NHEJ1: variants seen among roughly 807,000 people sequenced by gnomAD.
NHEJ1 encodes the protein non-homologous end joining factor 1, also known as non-homologous end-joining factor 1.
A neutral mutation model predicts 39.4 loss-of-function variants in NHEJ1; 22 were observed. The observed-to-expected ratio is 0.56, with a 90% confidence interval of 0.40 to 0.80. NHEJ1 has a LOEUF of 0.80. NHEJ1 is among the 30% of genes least tolerant of loss of function. The pLI, the probability that NHEJ1 is intolerant of heterozygous loss-of-function variation, is 0.00. For synonymous variants in NHEJ1, 154 were observed against 135.6 expected (o/e 1.14, Z -0.94); for missense variants, 329 against 357.1 (o/e 0.92, Z 0.63).
chr2:219,083,736 C>T (rs1170617484), intron 5 of NHEJ1, among the ~76,000 whole-genome samples: 1 of 152,172 alleles, frequency 6.6e-6, no homozygotes, highest in African/African-American at 2.4e-5. Flanking sequence ...AATGTCTGTT[C>T]CTTCCCTTTG....
intron 1 of NHEJ1, among the ~76,000 whole-genome samples, chr2:219,159,994 T>C (rs1269383637): frequency 6.6e-6 from 1 of 152,106 alleles, no homozygotes; most frequent in East Asian, 1.9e-4. Flanking sequence ...CCTGACACAT[T>C]GGGCACCAGA....
Position 219,073,628 on chromosome 2 carries a change from G to A in NHEJ1, c.*2753C>T, listed in dbSNP as rs952977757. Among the ~76,000 whole-genome samples, 1 of 152,172 alleles carries A rather than the reference G, an allele frequency of 6.6e-6. No homozygotes were observed. Among genetic ancestry groups the A allele is most frequent in the Non-Finnish European group, 1.5e-5 (1 of 68,032 alleles). On this transcript the variant is annotated 3_prime_UTR_variant, in exon 8 of 8. Transcript: ENST00000356853. ...GTCAAGTTCCTGCAGGAACTTCCTC[G>A]AGGTCCCAAGTCCTGCTCCTGGTTT...
intron 5 of NHEJ1, among the ~76,000 whole-genome samples, chr2:219,109,744 C>CTCCTAG (rs1949346955): frequency 6.6e-6 from 1 of 152,130 alleles, no homozygotes; most frequent in African/African-American, 2.4e-5. Flanking sequence ...ATCAAATCTC[C>CTCCTAG]TCCTAGCCCT....
rs6436107 is a variant in NHEJ1, at chr2:219,076,308, T to G, written c.*73A>C. On this transcript the variant is annotated 3_prime_UTR_variant, in exon 8 of 8. Transcript: ENST00000356853. ...CACTATTTTAGAAATATTGCTGCCA[T>G]GTAAGCTTCTTTCAAGGTGAAGCTT... 3.1e-6 allele frequency: 5 copies of G among 1,613,664 alleles called. No homozygotes were observed. Among genetic ancestry groups the G allele is most frequent in the Non-Finnish European group, 4.2e-6 (5 of 1,179,828 alleles).
intron 5 of NHEJ1, among the ~76,000 whole-genome samples, chr2:219,132,306 A>AG (rs1049758818): frequency 6.6e-6 from 1 of 152,142 alleles, no homozygotes; most frequent in Non-Finnish European, 1.5e-5. Flanking sequence ...CCCCAAATTT[A>AG]GGGGGGGATA....
intron 5 of NHEJ1, chr2:219,102,373 T>G (rs1278046441): frequency 1.3e-5 from 2 of 152,174 alleles, no homozygotes; most frequent in African/African-American, 4.8e-5. Flanking sequence ...TGTGAACTCT[T>G]TTTTTGGTTT....
chr2:219,107,473 A>G (rs762077125), intron 5 of NHEJ1, among the ~76,000 whole-genome samples: 4 of 152,222 alleles, frequency 2.6e-5, no homozygotes, highest in Non-Finnish European at 4.4e-5. Context: ...TTCAAAACCC[A>G]GGGCAGATGA....
chr2:219,159,576 CATATATATATGCAT>C (rs1559206361), intron 1 of NHEJ1, among the ~76,000 whole-genome samples: 10 of 68,968 alleles, frequency 1.4e-4, no homozygotes, highest in East Asian at 1.2e-3. Flanking sequence ...TATATATATG[CATATATATATGCAT>C]ATATATATAT....
rs968658454 is a variant in NHEJ1 at position 219,111,049 on chromosome 2, A to G, written c.589-32843T>C. 1.3e-5 allele frequency among the ~76,000 whole-genome samples: 2 copies of G among 152,244 alleles called. No individual in the cohort carries two copies. Among genetic ancestry groups the G allele is most frequent in the African/African-American group, 4.8e-5 (2 of 41,462 alleles). On this transcript the variant is annotated intron_variant, in intron 5 of 7. Transcript: ENST00000356853. The surrounding 1 kb of genome is among the most constrained non-coding windows in gnomAD (Gnocchi z 4.1). ...ATTTCTCTTTACTGAAACAGCTCAA[A>G]GTTCCTTTAAATAAAACATCACCCA...
At chr2:219,137,690 C>T (rs1186780808) in intron 5 of NHEJ1, among the ~76,000 whole-genome samples, 1 of 150,656 alleles carries the variant, frequency 6.6e-6, no homozygotes, top group African/African-American at 2.4e-5. Flanking sequence ...ATCTTGCTAA[C>T]TTTATTTTCT....
intron 5 of NHEJ1, chr2:219,095,454 G>C (rs1391312589): frequency 2.5e-6 from 1 of 403,552 alleles, no homozygotes; most frequent in Admixed American, 2.8e-5. Flanking sequence ...ATTGTACAAT[G>C]CTTTAAACCT....
At chr2:219,146,237 C>T (rs1344291798) in intron 5 of NHEJ1, among the ~76,000 whole-genome samples, 1 of 152,158 alleles carries the variant, frequency 6.6e-6, no homozygotes, top group Non-Finnish European at 1.5e-5. Flanking sequence ...ACTGTGCCCA[C>T]AAGACAGCCC....
chr2:219,147,638 T>C lies in NHEJ1; in HGVS notation c.529+19A>G, dbSNP rs750747940. 6.2e-6 allele frequency: 10 copies of C among 1,614,026 alleles called. No homozygotes were observed. The highest frequency in any genetic ancestry group is 1.3e-5 in the African/African-American group (1 of 75,036). ...TTTTTAACACGCCCCACCCAACTCCTCCAAGAATGTCCTCTTACCTCGAAT... is the reference window on the plus strand; with the variant it reads ...TTTTTAACACGCCCCACCCAACTCCCCCAAGAATGTCCTCTTACCTCGAAT... On this transcript the variant is annotated intron_variant, in intron 4 of 7. Coordinates refer to ENST00000356853, the MANE Select transcript of NHEJ1 (RefSeq NM_024782.3).
chr2:219,148,590 G>A (rs55728979), intron 3 of NHEJ1, among the ~76,000 whole-genome samples: 10,332 of 152,110 alleles, frequency 0.068, 523 homozygotes, highest in Non-Finnish European at 0.097. Flanking sequence ...ACAAACAAAT[G>A]AGAAAAGCTG....
At chr2:219,150,767 CCAACACGGTGAAA>C (rs909667427) in intron 3 of NHEJ1, among the ~76,000 whole-genome samples, 8 of 151,986 alleles carry the variant, frequency 5.3e-5, no homozygotes, top group Admixed American at 5.2e-4. Context: ...ATCAGCCTGG[CCAACACGGTGAAA>C]CCCCGTCTCT....
chr2:219,077,928 T>C, intron 6 of NHEJ1, 161 bp downstream of exon 6: 1 of 648,894 alleles, frequency 1.5e-6, no homozygotes, highest in Non-Finnish European at 2.8e-6. Flanking sequence ...TCACTTGAAA[T>C]GTGGCTACTG....
chr2:219,139,944 G>C (rs1208968234), intron 5 of NHEJ1, among the ~76,000 whole-genome samples: 1 of 152,246 alleles, frequency 6.6e-6, no homozygotes, highest in Non-Finnish European at 1.5e-5. Context: ...CTCCCAAAGT[G>C]CTGCGATTAC....
chr2:219,144,872 T>A (rs1949721017), intron 5 of NHEJ1, among the ~76,000 whole-genome samples: 2 of 152,202 alleles, frequency 1.3e-5, no homozygotes, highest in Admixed American at 6.5e-5. Context: ...GAAATCTCTC[T>A]TAGTCACAAG....
chr2:219,078,284 G>C, intron 5 of NHEJ1, 78 bp from the exon 6 acceptor site: 2 of 1,194,850 alleles, frequency 1.7e-6, no homozygotes, highest in Admixed American at 3.4e-5. Flanking sequence ...ATGCAGAACC[G>C]GCATCAACCC....
Sources: allele counts gnomAD v4.1 joint callset (sites outside exome capture counted in the v4.1 genomes callset), GRCh38; gene constraint gnomAD v4.1.1; non-coding constraint Gnocchi (gnomAD v3.1); transcripts MANE v1.5; gene names NCBI Gene and HGNC (gene_info 2026-07-23, HGNC 2026-07-21).